Variants in KCNG2 observed in about 807,000 individuals in gnomAD.
The protein encoded by KCNG2 is voltage-gated potassium channel regulatory subunit KCNG2.
Under a neutral mutation model 12.3 loss-of-function variants are expected in KCNG2, and 7 were observed. The observed-to-expected ratio is 0.57, with a 90% CI of 0.32 to 1.07. The LOEUF (loss-of-function observed/expected upper bound fraction) is 1.07, where lower values mean the gene tolerates loss of function less well. Ranked by LOEUF, KCNG2 falls within the 50% of genes least tolerant of loss-of-function variation. The probability of loss-of-function intolerance (pLI) is 0.04; values close to 1 mark genes in which losing one functional copy is unlikely to be tolerated. For missense variants in KCNG2, 703 were observed against 726.0 expected (o/e 0.97, Z 0.36); for synonymous variants, 414 against 351.4 (o/e 1.18, Z -1.99).
chr18:79,890,407 A>C (rs1407663715), intron 3 of KCNG2, among the ~76,000 whole-genome samples: 3 of 152,074 alleles, frequency 2.0e-5, no homozygotes, highest in African/African-American at 7.2e-5. Flanking sequence ...TTGGGGTAGG[A>C]TTGGTCCTGT....
chr18:79,887,650 G>A (rs916079698), intron 3 of KCNG2, among the ~76,000 whole-genome samples: 1 of 152,190 alleles, frequency 6.6e-6, no homozygotes, highest in South Asian at 2.1e-4. Flanking sequence ...CTGGCGTCCC[G>A]AGGGCTCACA....
intron 3 of KCNG2, among the ~76,000 whole-genome samples, chr18:79,889,773 G>A (rs530206534): frequency 6.6e-5 from 10 of 152,348 alleles, no homozygotes; most frequent in African/African-American, 2.4e-4. Context: ...CCGGTACAGA[G>A]TCCACTGGAA....
intron 1 of KCNG2, among the ~76,000 whole-genome samples, chr18:79,824,924 TTTC>T (rs1207252110): frequency 3.9e-5 from 6 of 152,352 alleles, no homozygotes; most frequent in South Asian, 4.1e-4. Context: ...TTAAGTTTTC[TTTC>T]TTCTTATTAT....
At chr18:79,878,871 C>A (rs774322599) in intron 3 of KCNG2, among the ~76,000 whole-genome samples, 10 of 152,218 alleles carry the variant, frequency 6.6e-5, no homozygotes, top group Non-Finnish European at 1.0e-4. Flanking sequence ...TGTTGTGGAG[C>A]GAGACCTGTG....
chr18:79,882,372 C>T (rs1335104853), intron 3 of KCNG2, among the ~76,000 whole-genome samples: 1 of 148,336 alleles, frequency 6.7e-6, no homozygotes, highest in Non-Finnish European at 1.5e-5. Context: ...GACTTTTGTC[C>T]ACAAAAGACT....
rs551446143 is a variant in KCNG2 at position 79,898,932 on chromosome 18, G to A, written c.625-108G>A. ...TGCACCCGCTTCCGTGGGTTGGGGC[G>A]GGAAGGGTGGCCTGGGGGACGCCTC... On this transcript the variant is annotated intron_variant, in intron 3 of 3. Coordinates refer to ENST00000316249, the MANE Select transcript of KCNG2 (RefSeq NM_012283.2). 5.7e-5 allele frequency: 46 copies of A among 801,278 alleles called. No homozygotes were observed. In the East Asian group the frequency reaches 8.7e-4, roughly 15 times the overall value. 49.6% of individuals were successfully genotyped at this position (801,278 alleles called of 1,614,324 possible).
intron 1 of KCNG2, among the ~76,000 whole-genome samples, chr18:79,852,613 G>A (rs967534595): frequency 6.6e-6 from 1 of 152,254 alleles, no homozygotes; most frequent in Admixed American, 6.5e-5. Flanking sequence ...AGTGACGATC[G>A]CATTCCTCGA....
chr18:79,839,367 C>T (rs984370705), intron 1 of KCNG2, among the ~76,000 whole-genome samples: 3 of 152,106 alleles, frequency 2.0e-5, no homozygotes, highest in Non-Finnish European at 2.9e-5. Context: ...ACGTTACCAA[C>T]GTCAGGAACA....
At chr18:79,848,945 C>T (rs1304712710) in intron 1 of KCNG2, among the ~76,000 whole-genome samples, 1 of 152,170 alleles carries the variant, frequency 6.6e-6, no homozygotes, top group Non-Finnish European at 1.5e-5. Context: ...TAATGACCGC[C>T]TGGCGCCTGT....
At chr18:79,819,563 C>T (rs1024166769) in intron 1 of KCNG2, among the ~76,000 whole-genome samples, 6 of 152,194 alleles carry the variant, frequency 3.9e-5, no homozygotes, top group African/African-American at 1.2e-4. Context: ...ATGTTCACGC[C>T]GCGGGGTTTG....
rs748605937 is a variant in KCNG2 at position 79,870,978 on chromosome 18, C to T, written c.624+6687C>T. On this transcript the variant is annotated intron_variant, in intron 3 of 3. Transcript: ENST00000316249. ...CCGGTCCTGGAGGCTGGAGGCCCCA[C>T]GCTGCAGTCAGCACACCTGAGACCA... is the stretch of plus-strand genomic sequence containing the variant. Among the ~76,000 whole-genome samples, 6 of 152,128 alleles carry T rather than the reference C, an allele frequency of 3.9e-5. No homozygotes were observed. In the East Asian group the frequency reaches 5.8e-4, roughly 15 times the overall value.
rs773489126 is a variant in KCNG2 at position 79,899,726 on chromosome 18, C to T, written c.1311C>T (p.Ala437=). The change falls in exon 4 of 4, where the codon GCC becomes GCT. Residue 437 remains alanine (A), a synonymous_variant. Transcript: ENST00000316249. ...PALQEDSTHS[A]TATEDSSQGP... is the part of the protein sequence containing the mutation. ...TGCAGGAGGACAGCACGCACTCGGC[C>T]ACAGCCACCGAGGACAGCTCGCAGG... 1.2e-6 allele frequency: 2 copies of T among 1,601,246 alleles called. No individual in the cohort carries two copies. Among genetic ancestry groups the T allele is most frequent in the Non-Finnish European group, 1.7e-6 (2 of 1,176,724 alleles).
chr18:79,813,398 C>G (rs2087506511), intron 1 of KCNG2, among the ~76,000 whole-genome samples: 1 of 152,168 alleles, frequency 6.6e-6, no homozygotes, highest in South Asian at 2.1e-4. Flanking sequence ...TGCAGAAAAG[C>G]TTTTGACAAA....
At chr18:79,850,988 A>G (rs903316647) in intron 1 of KCNG2, among the ~76,000 whole-genome samples, 3 of 152,186 alleles carry the variant, frequency 2.0e-5, no homozygotes, top group Non-Finnish European at 4.4e-5. Flanking sequence ...AGGGGTCCCA[A>G]TCCAGACCCC....
chr18:79,898,994 C>A (rs1415616078), intron 3 of KCNG2, 46 bp from the exon 4 acceptor site: 2 of 1,407,676 alleles, frequency 1.4e-6, no homozygotes, highest in Admixed American at 2.6e-5. Flanking sequence ...GCCCCCGGCC[C>A]TCCAAGAGGC....
intron 1 of KCNG2, among the ~76,000 whole-genome samples, chr18:79,824,374 T>G (rs2087596265): frequency 6.6e-6 from 1 of 152,250 alleles, no homozygotes; most frequent in Admixed American, 6.5e-5. Flanking sequence ...GCCTGCTACT[T>G]TTCTGAATTT....
At chr18:79,817,446 A>G (rs925349512) in intron 1 of KCNG2, among the ~76,000 whole-genome samples, 1 of 152,236 alleles carries the variant, frequency 6.6e-6, no homozygotes, top group African/African-American at 2.4e-5. Flanking sequence ...TGGCTGTCAC[A>G]TGGTTGTCAC....
rs753179588 is a variant in KCNG2 at position 79,899,274 on chromosome 18, C to G, written c.859C>G (p.Leu287Val). The change falls in exon 4 of 4, where the codon CTG (leucine) becomes GTG (valine). Residue 287 changes from leucine (L) to valine (V), a missense_variant. Leu to Val is a conservative substitution (Grantham distance 32). Transcript: ENST00000316249. ...TKLLERAGLVLRLLRALRVLY... is the reference protein window; with the variant it reads ...TKLLERAGLVVRLLRALRVLY... ...GCTCCTGGAGCGCGCGGGGCTGGTG[C>G]TGCGGCTGCTGCGTGCGCTGCGCGT... The G allele has an allele frequency of 1.1e-5, 18 of 1,576,994 alleles. 1 individual carries two copies. The highest frequency in any genetic ancestry group is 3.4e-4 in the Middle Eastern group (2 of 5,936).
intron 1 of KCNG2, among the ~76,000 whole-genome samples, chr18:79,809,325 T>C (rs1401281646): frequency 4.2e-4 from 29 of 68,726 alleles, no homozygotes; most frequent in South Asian, 7.8e-4. Context: ...GAGTCCGCGC[T>C]CTGAGGAGCT....
Sources: allele counts gnomAD v4.1 joint callset (sites outside exome capture counted in the v4.1 genomes callset), GRCh38; gene constraint gnomAD v4.1.1; transcripts MANE v1.5; gene names NCBI Gene and HGNC (gene_info 2026-07-23, HGNC 2026-07-21).